Variants in TFIP11 observed in about 807,000 individuals in gnomAD.
TFIP11 encodes tuftelin interacting protein 11.
In TFIP11, 86 loss-of-function variants were observed where a neutral mutation model predicts 96.8. The ratio of observed to expected loss-of-function variants is 0.89; its 90% confidence interval spans 0.75 to 1.06. The LOEUF (loss-of-function observed/expected upper bound fraction) is 1.06. Among genes scored for constraint, TFIP11 ranks in the 50% least tolerant of loss-of-function variants. The pLI is 0.00. For missense variants in TFIP11, 881 were observed against 1,076.7 expected, an observed-to-expected ratio of 0.82 and a Z score of 2.54; for synonymous variants, 405 against 395.2, an observed-to-expected ratio of 1.02 and a Z score of -0.29.
Position 26,494,888 on chromosome 22 carries a change from G to A in TFIP11, c.1901C>T (p.Ala634Val). The change falls in exon 13 of 15, where the codon GCA becomes GTA. Residue 634 changes from alanine to valine, a missense_variant. Transcript: ENST00000407690. ...VINPHQQHMD[A>V]FYWVIDWEGM... ...TTCCCAGTCAATCACCCAATAGAATGCATCCATGTGCTGCTGGTGGGGGTT... is the reference window on the plus strand; with the variant it reads ...TTCCCAGTCAATCACCCAATAGAATACATCCATGTGCTGCTGGTGGGGGTT... 3 of 1,614,192 alleles carry A rather than the reference G, an allele frequency of 1.9e-6. No individual in the cohort carries two copies. The highest frequency in any genetic ancestry group is 2.5e-6 in the Non-Finnish European group (3 of 1,180,040).
intron 11 of TFIP11, 56 bp downstream of exon 11, chr22:26,496,665 C>A: frequency 6.3e-7 from 1 of 1,586,444 alleles, no homozygotes; most frequent in Non-Finnish European, 8.6e-7. Context: ...AAGCCACAGA[C>A]TGAACAAGTC....
chr22:26,503,605 A>G, intron 7 of TFIP11, 61 bp downstream of exon 7: 1 of 1,594,648 alleles, frequency 6.3e-7, no homozygotes, highest in Non-Finnish European at 8.6e-7. Context: ...GAAGGGATAA[A>G]TGAACAGCCA....
intron 14 of TFIP11, 82 bp downstream of exon 14, chr22:26,494,057 G>A (rs746902000): frequency 2.5e-5 from 38 of 1,533,638 alleles, no homozygotes; most frequent in Non-Finnish European, 3.4e-5. Context: ...ACAGGAACCA[G>A]AAAACTCTGA....
At chr22:26,500,878 C>CTTTTTTT (rs397958538) in intron 8 of TFIP11, among the ~76,000 whole-genome samples, 21 of 102,052 alleles carry the variant, frequency 2.1e-4, no homozygotes, top group East Asian at 5.9e-4. Flanking sequence ...TAACGGAAAA[C>CTTTTTTT]TTTTTTTTTT....
At chr22:26,492,502 A>T in intron 14 of TFIP11, 134 bp from the exon 15 acceptor site, 1 of 757,420 alleles carries the variant, frequency 1.3e-6, no homozygotes, top group South Asian at 1.8e-5. Context: ...CCTCAAAGAT[A>T]CAACTTTGGA....
At chr22:26,506,087 A>G (rs2147144360) in intron 6 of TFIP11, 1 of 453,128 alleles carries the variant, frequency 2.2e-6, no homozygotes, top group East Asian at 3.5e-5. Flanking sequence ...AGCCTGTTTT[A>G]GACCCTAACC....
chr22:26,496,254 C>CA lies in TFIP11; in HGVS notation c.1667dup (p.Pro557AlafsTer16). On this transcript the variant is annotated frameshift_variant, in exon 12 of 15. Coordinates refer to ENST00000407690, the MANE Select transcript of TFIP11 (RefSeq NM_012143.4). LOFTEE classifies it high-confidence loss of function. ...GCTCCAGCCGTGCCTGCATAAGGGG[C>CA]AGCCATGGGTGGATCCAAGAGTGGA... 2 of 1,613,750 alleles carry CA rather than the reference C, an allele frequency of 1.2e-6. No individual in the cohort carries two copies. The highest frequency in any genetic ancestry group is 1.7e-6 in the Non-Finnish European group (2 of 1,179,874).
chr22:26,497,006 T>C, intron 10 of TFIP11, 117 bp from the exon 11 acceptor site: 1 of 1,263,268 alleles, frequency 7.9e-7, no homozygotes, highest in Non-Finnish European at 1.1e-6. Flanking sequence ...GGAAATCCAA[T>C]CAGAGGAAAC....
rs767388060 is a variant in TFIP11, at chr22:26,506,340, G to T, written c.483C>A (p.Gly161=). The T allele has an allele frequency of 1.9e-5, 30 of 1,613,368 alleles. No homozygotes were observed. The Middle Eastern group carries it at 8.3e-4, about 44-fold the overall frequency. ...GIGQKLLQKM[G]YVPGRGLGKN... ...TCCCGAGGCCCCGTCCAGGGACGTA[G>T]CCCATCTTCTGAAGAAGCTTCTGTC... Residue 161 remains glycine (G), a synonymous_variant, in exon 6 of 15, where the codon GGC becomes GGA. Coordinates refer to ENST00000407690, the MANE Select transcript of TFIP11 (RefSeq NM_012143.4).
intron 4 of TFIP11, among the ~76,000 whole-genome samples, chr22:26,509,763 C>T (rs906152950): frequency 1.3e-5 from 2 of 151,978 alleles, no homozygotes; most frequent in African/African-American, 2.4e-5. Context: ...GGCTGAGGCA[C>T]GGGAATCACT....
At chr22:26,502,113 G>A in intron 7 of TFIP11, 61 bp from the exon 8 acceptor site, 1 of 1,602,848 alleles carries the variant, frequency 6.2e-7, no homozygotes, top group Non-Finnish European at 8.5e-7. Flanking sequence ...CACAGGTGAG[G>A]TAGCTGAGAC....
rs1239282406 is a variant in TFIP11, at chr22:26,501,931, G to GT, written c.769dup (p.Thr257AsnfsTer38). 33 of 1,613,812 alleles carry GT rather than the reference G, an allele frequency of 2.0e-5. No individual in the cohort carries two copies. The highest frequency in any genetic ancestry group is 2.8e-5 in the Non-Finnish European group (33 of 1,179,952). On this transcript the variant is annotated frameshift_variant, in exon 8 of 15. Coordinates refer to ENST00000407690, the MANE Select transcript of TFIP11 (RefSeq NM_012143.4). LOFTEE classifies it high-confidence loss of function. ...TTGAGAAAGTTCCTTCTGGGGAGCA[G>GT]TGAGCTTCTTGCTAATCCTGCCCTT...
At chr22:26,500,201 G>A (rs983973816) in intron 8 of TFIP11, among the ~76,000 whole-genome samples, 1 of 151,922 alleles carries the variant, frequency 6.6e-6, no homozygotes, top group Non-Finnish European at 1.5e-5. Flanking sequence ...ACAGAATCTC[G>A]CTCTGTTGCC....
At chr22:26,494,064 C>CT (rs1438840169) in intron 14 of TFIP11, 75 bp downstream of exon 14, 5 of 1,556,386 alleles carry the variant, frequency 3.2e-6, no homozygotes, top group Admixed American at 1.8e-5. Flanking sequence ...CCAGAAAACT[C>CT]TGATTCTGTG....
chr22:26,503,827 T>G (rs375618933), intron 6 of TFIP11, 34 bp from the exon 7 acceptor site: 20 of 1,608,676 alleles, frequency 1.2e-5, no homozygotes, highest in Non-Finnish European at 1.5e-5. Flanking sequence ...AAGAGAGTCT[T>G]ACGATCACAG....
intron 10 of TFIP11, among the ~76,000 whole-genome samples, chr22:26,497,420 G>A (rs776790187): frequency 3.3e-5 from 5 of 152,166 alleles, no homozygotes; most frequent in Admixed American, 6.5e-5. Flanking sequence ...CCAGCACCTA[G>A]CACAAGCATG....
Position 26,495,614 on chromosome 22 carries a change from A to G in TFIP11, c.1849+459T>C, listed in dbSNP as rs199743213. Among the ~76,000 whole-genome samples, 8 of 38,836 alleles carry G rather than the reference A, an allele frequency of 2.1e-4. 1 individual carries two copies. Among genetic ancestry groups the G allele is most frequent in the Admixed American group, 1.3e-3 (4 of 3,158 alleles). 25.5% of individuals were successfully genotyped at this position (38,836 alleles called of 152,430 possible). The stretch of plus-strand genomic sequence containing the variant: ...TACATATATACATATATATGTGTGT[A>G]TATACATATATGTGTATATACATGT... On this transcript the variant is annotated intron_variant, in intron 12 of 14. Transcript: ENST00000407690.
rs1433412847 is a variant in TFIP11 at position 26,496,072 on chromosome 22, C to T, written c.1849+1G>A. 5 of 1,613,346 alleles carry T rather than the reference C, an allele frequency of 3.1e-6. No individual in the cohort carries two copies. The highest frequency in any genetic ancestry group is 4.2e-6 in the Non-Finnish European group (5 of 1,179,828). Reference sequence around the variant, plus strand: ...TGGAATGCATTTCCCCTTATCCTTACCCAGCTTGGGCACTATGTTTTTGAC... The same window carrying T: ...TGGAATGCATTTCCCCTTATCCTTATCCAGCTTGGGCACTATGTTTTTGAC... On this transcript the variant is annotated splice_donor_variant, in intron 12 of 14. Transcript: ENST00000407690. LOFTEE classifies it high-confidence loss of function.
At chr22:26,507,775 A>G (rs909529611) in intron 4 of TFIP11, among the ~76,000 whole-genome samples, 26 of 152,182 alleles carry the variant, frequency 1.7e-4, no homozygotes, top group Non-Finnish European at 2.9e-5. Context: ...TTTTTTGTAT[A>G]AAATAAAATT....
Sources: allele counts gnomAD v4.1 joint callset (sites outside exome capture counted in the v4.1 genomes callset), GRCh38; gene constraint gnomAD v4.1.1; transcripts MANE v1.5; gene names NCBI Gene and HGNC (gene_info 2026-07-23, HGNC 2026-07-21).